The following DIAPH3 variants were observed in gnomAD, a reference collection of about 807,000 sequenced individuals.
DIAPH3 encodes protein diaphanous homolog 3.
A neutral mutation model predicts 144.3 loss-of-function variants in DIAPH3; 117 were observed. The ratio of observed to expected loss-of-function variants is 0.81; its 90% CI spans 0.70 to 0.95. The LOEUF (loss-of-function observed/expected upper bound fraction) is 0.95. Among genes scored for constraint, DIAPH3 ranks in the 40% least tolerant of loss-of-function variants. The probability of loss-of-function intolerance (pLI) is 0.00; values close to 1 mark genes in which losing one functional copy is unlikely to be tolerated. For missense variants in DIAPH3, 1,421 were observed against 1,412.7 expected, an observed-to-expected ratio of 1.01 and a Z score of -0.09; for synonymous variants, 519 against 488.9, an observed-to-expected ratio of 1.06 and a Z score of -0.81.
intron 9 of DIAPH3, among the ~76,000 whole-genome samples, chr13:59,995,335 T>G (rs1234121655): frequency 1.3e-5 from 2 of 151,896 alleles, no homozygotes; most frequent in Non-Finnish European, 2.9e-5. Flanking sequence ...TAGCATATGA[T>G]CTCTCTTAAT....
chr13:59,803,016 T>C (rs2139494114), intron 25 of DIAPH3, among the ~76,000 whole-genome samples: 1 of 152,264 alleles, frequency 6.6e-6, no homozygotes, highest in Admixed American at 6.5e-5. Flanking sequence ...AATTTTTCTG[T>C]GAAGGCCAGC....
intron 4 of DIAPH3, among the ~76,000 whole-genome samples, chr13:60,052,346 G>C (rs577371876): frequency 6.6e-6 from 1 of 152,288 alleles, no homozygotes; most frequent in African/African-American, 2.4e-5. Context: ...GTATTTTACT[G>C]TCCCAGGTGA....
At chr13:60,152,786 C>T (rs1951853575) in intron 1 of DIAPH3, among the ~76,000 whole-genome samples, 1 of 151,072 alleles carries the variant, frequency 6.6e-6, no homozygotes, top group South Asian at 2.1e-4. Flanking sequence ...CTATTAGAAG[C>T]AAACTGTTTT....
intron 27 of DIAPH3, among the ~76,000 whole-genome samples, chr13:59,760,127 C>G (rs2037502135): frequency 6.6e-6 from 1 of 152,058 alleles, no homozygotes. Flanking sequence ...TGCACTATGC[C>G]CTTCACTTTT....
intron 27 of DIAPH3, among the ~76,000 whole-genome samples, chr13:59,667,551 C>T (rs1373570667): frequency 6.6e-6 from 1 of 152,124 alleles, no homozygotes; most frequent in African/African-American, 2.4e-5. Flanking sequence ...CGATTATTTT[C>T]CTTTAAAGAA....
rs4054895 is a variant in DIAPH3, at chr13:59,983,139, T to TAAAAAAAAAA, written c.1480+620_1480+629dup. 1.9e-5 allele frequency among the ~76,000 whole-genome samples: 2 copies of TAAAAAAAAAA among 104,664 alleles called. 1 individual carries two copies. Among genetic ancestry groups the TAAAAAAAAAA allele is most frequent in the African/African-American group, 7.7e-5 (2 of 26,122 alleles). The allele number at this position is 104,664 out of a possible 152,430, so 68.7% of individuals were successfully genotyped here. A position where few individuals can be genotyped will look rare whatever the true frequency, so the allele number is the denominator to read the frequency against. On this transcript the variant is annotated intron_variant, in intron 13 of 27. Transcript: ENST00000400324. ...ACACTAAATAATAATGCTTTATCTTTAAAAAAAAAAAAAAAAAAAACTCTC... is the reference window on the plus strand; with the variant it reads ...ACACTAAATAATAATGCTTTATCTTTAAAAAAAAAAAAAAAAAAAAAAAAAAAAAACTCTC...
chr13:59,978,014 C>T (rs949938340), intron 14 of DIAPH3, among the ~76,000 whole-genome samples: 2 of 151,650 alleles, frequency 1.3e-5, no homozygotes, highest in African/African-American at 4.8e-5. Flanking sequence ...AGAAGGCTTC[C>T]CTGGCCACCC....
rs1259980052 is a variant in DIAPH3 at position 59,939,191 on chromosome 13, GAGTT to G, written c.2075-14325_2075-14322del. Among the ~76,000 whole-genome samples, 593 of 152,276 alleles carry G rather than the reference GAGTT, an allele frequency of 3.9e-3. 4 individuals are homozygous for G. The highest frequency in any genetic ancestry group is 0.014 in the African/African-American group (565 of 41,552). ...CTTTCCCAAGAGGTGTTCAAAGGCA[GAGTT>G]GGTCCTTATTCACTGCACACCTCAA... On this transcript the variant is annotated intron_variant, in intron 17 of 27. Coordinates refer to ENST00000400324, the MANE Select transcript of DIAPH3 (RefSeq NM_001042517.2).
intron 24 of DIAPH3, 191 bp downstream of exon 24, chr13:59,832,916 T>C (rs373151156): frequency 3.5e-6 from 2 of 574,126 alleles, no homozygotes; most frequent in Non-Finnish European, 3.1e-6. Flanking sequence ...GATTACAGCT[T>C]AATGTTGGAA....
chr13:59,866,451 AAAC>A (rs1201623357), intron 21 of DIAPH3, among the ~76,000 whole-genome samples: 4 of 152,150 alleles, frequency 2.6e-5, no homozygotes, highest in Admixed American at 2.6e-4. Context: ...AATGGCAGTA[AAAC>A]AACAAAAGAG....
At chr13:60,010,287 A>C (rs2053156461) in intron 8 of DIAPH3, among the ~76,000 whole-genome samples, 1 of 152,172 alleles carries the variant, frequency 6.6e-6, no homozygotes, top group Admixed American at 6.5e-5. Context: ...TTAAAAAAAC[A>C]GTTTAAATAT....
intron 27 of DIAPH3, among the ~76,000 whole-genome samples, chr13:59,698,056 A>G (rs991308999): frequency 4.6e-5 from 7 of 152,240 alleles, no homozygotes; most frequent in African/African-American, 1.7e-4. Context: ...GTAAAAAGAA[A>G]ACAAGAAAGT....
At chr13:59,956,252 C>A (rs950262908) in intron 17 of DIAPH3, among the ~76,000 whole-genome samples, 2 of 152,290 alleles carry the variant, frequency 1.3e-5, no homozygotes, top group African/African-American at 4.8e-5. Flanking sequence ...TGTCAGAGGT[C>A]TTCATAGCAG....
chr13:59,930,311 T>C (rs964253435), intron 17 of DIAPH3, among the ~76,000 whole-genome samples: 8 of 152,288 alleles, frequency 5.3e-5, no homozygotes, highest in Middle Eastern at 3.4e-3. Flanking sequence ...CTAATAGAAG[T>C]GACTATAAAA....
rs1029646115 is a variant in DIAPH3 at position 59,894,345 on chromosome 13, T to TA, written c.2368-14878dup. 6.6e-5 allele frequency among the ~76,000 whole-genome samples: 10 copies of TA among 151,680 alleles called. No homozygotes were observed. In the East Asian group the frequency reaches 7.7e-4, roughly 12 times the overall value. ...AGGCTATAATTAAGGCTCGTGGGCA[T>TA]AAAAAAAATAGGCAGAAACCTGCGT... On this transcript the variant is annotated intron_variant, in intron 20 of 27. Transcript: ENST00000400324.
chr13:60,053,238 A>G (rs2056427826), intron 4 of DIAPH3, among the ~76,000 whole-genome samples: 1 of 151,980 alleles, frequency 6.6e-6, no homozygotes, highest in Admixed American at 6.6e-5. Context: ...GGAGGAAGGA[A>G]AGGATACTCA....
At chr13:59,733,440 TTG>T (rs1345066863) in intron 27 of DIAPH3, among the ~76,000 whole-genome samples, 1 of 152,172 alleles carries the variant, frequency 6.6e-6, no homozygotes, top group Non-Finnish European at 1.5e-5. Flanking sequence ...AGTGTGTAAC[TTG>T]TGTCTTATCG....
At chr13:60,110,016 T>C (rs1443256202) in intron 3 of DIAPH3, among the ~76,000 whole-genome samples, 1 of 152,188 alleles carries the variant, frequency 6.6e-6, no homozygotes, top group African/African-American at 2.4e-5. Context: ...ACTAGACTAT[T>C]ACCCAGAGAC....
chr13:59,905,342 C>CAAAAAAAAAAAAAAA (rs59114311), intron 20 of DIAPH3, among the ~76,000 whole-genome samples: 18 of 69,754 alleles, frequency 2.6e-4, no homozygotes, highest in Admixed American at 3.7e-4. Context: ...GACTCTGTCT[C>CAAAAAAAAAAAAAAA]AAAAAAAAAA....
Sources: allele counts gnomAD v4.1 joint callset (sites outside exome capture counted in the v4.1 genomes callset), GRCh38; gene constraint gnomAD v4.1.1; transcripts MANE v1.5; gene names NCBI Gene and HGNC (gene_info 2026-07-23, HGNC 2026-07-21).